Variants in NUP210L observed in about 807,000 individuals in gnomAD.
NUP210L encodes nucleoporin 210 like, also known as nuclear pore membrane glycoprotein 210-like.
NUP210L carries 74 observed loss-of-function variants against 208.5 expected under a neutral mutation model. That is an observed-to-expected ratio of 0.35 (90% CI 0.29 to 0.43). The LOEUF (loss-of-function observed/expected upper bound fraction) is 0.43. NUP210L is among the 20% of genes least tolerant of loss of function. The pLI is 1.00. For missense variants in NUP210L, 1,843 were observed against 2,289.4 expected, an observed-to-expected ratio of 0.81 and a Z score of 3.98; for synonymous variants, 780 against 816.9, an observed-to-expected ratio of 0.95 and a Z score of 0.77.
intron 27 of NUP210L, among the ~76,000 whole-genome samples, chr1:154,032,973 GAAAAGAAAAGAAAAGA>G (rs1290910359): frequency 1.9e-4 from 25 of 129,122 alleles, no homozygotes; most frequent in Non-Finnish European, 3.6e-4. Context: ...GAAAAGAAAA[GAAAAGAAAAGAAAAGA>G]AAAGAAAGAA....
chr1:154,074,162 A>G (rs1654921388), intron 16 of NUP210L, among the ~76,000 whole-genome samples: 1 of 152,134 alleles, frequency 6.6e-6, no homozygotes, highest in Admixed American at 6.6e-5. Flanking sequence ...TCTCCAGTAT[A>G]AAGGTATGGT....
chr1:154,067,300 A>G (rs1326360487), intron 17 of NUP210L, among the ~76,000 whole-genome samples: 3 of 152,194 alleles, frequency 2.0e-5, no homozygotes, highest in African/African-American at 4.8e-5. Context: ...TACGCAAATC[A>G]ATAAACATAA....
At chr1:154,136,988 T>C (rs754476637) in intron 6 of NUP210L, among the ~76,000 whole-genome samples, 1 of 150,364 alleles carries the variant, frequency 6.7e-6, no homozygotes, top group East Asian at 2.0e-4. Flanking sequence ...TTTCAGTCGA[T>C]GAATTGAGTT....
chr1:154,007,646 C>T (rs1376314535), intron 35 of NUP210L, among the ~76,000 whole-genome samples: 4 of 151,846 alleles, frequency 2.6e-5, no homozygotes, highest in Non-Finnish European at 5.9e-5. Context: ...GATCTCGGCT[C>T]ACTGCAAGCT....
chr1:154,020,913 C>G (rs116384406), intron 32 of NUP210L, among the ~76,000 whole-genome samples: 1 of 151,688 alleles, frequency 6.6e-6, no homozygotes, highest in Non-Finnish European at 1.5e-5. Flanking sequence ...CTGCCTGCCT[C>G]GGCCTCCCAA....
intron 27 of NUP210L, among the ~76,000 whole-genome samples, chr1:154,044,415 AAAAAAG>A (rs1276982407): frequency 4.0e-5 from 6 of 151,722 alleles, no homozygotes. Flanking sequence ...CTCAAAAAAA[AAAAAAG>A]AAAAAGAAAA....
chr1:154,008,058 G>A (rs1049393682), intron 35 of NUP210L, among the ~76,000 whole-genome samples: 3 of 151,600 alleles, frequency 2.0e-5, no homozygotes, highest in Non-Finnish European at 4.4e-5. Flanking sequence ...TTTTAGCAGA[G>A]ATGGGGTTTC....
rs1247136100 is a variant in NUP210L at position 154,071,632 on chromosome 1, T to TG, written c.2362-1168_2362-1167insC. Among the ~76,000 whole-genome samples, 8 of 137,890 alleles carry TG rather than the reference T, an allele frequency of 5.8e-5. No individual in the cohort carries two copies. The Admixed American group carries it at 5.9e-4, about 10-fold the overall frequency. The allele number at this position is 137,890 out of a possible 152,430, so 90.5% of individuals were successfully genotyped here. On this transcript the variant is annotated intron_variant, in intron 16 of 39. Coordinates refer to ENST00000368559, the Ensembl canonical transcript of NUP210L. ...CAAATACCATCAATTCATTCCTTTT[T>TG]TTTTTTTTTTTTTTTTTTTTTGAGA... is the stretch of plus-strand genomic sequence containing the variant.
At chr1:154,125,322 T>C (rs534846883) in intron 10 of NUP210L, among the ~76,000 whole-genome samples, 1 of 151,758 alleles carries the variant, frequency 6.6e-6, no homozygotes, top group East Asian at 2.0e-4. Flanking sequence ...TGGTGGTGGA[T>C]GCCTATAACC....
At chr1:154,100,582 A>G (rs979824942) in intron 13 of NUP210L, among the ~76,000 whole-genome samples, 2 of 142,732 alleles carry the variant, frequency 1.4e-5, no homozygotes, top group Non-Finnish European at 3.0e-5. Flanking sequence ...GCAATGGTGC[A>G]ATCTTGGCTC....
intron 6 of NUP210L, among the ~76,000 whole-genome samples, chr1:154,137,455 G>A (rs1382786026): frequency 6.6e-6 from 1 of 151,934 alleles, no homozygotes; most frequent in African/African-American, 2.4e-5. Context: ...GGGAGGCTGA[G>A]GCAGGAGAAC....
At chr1:154,126,227 A>G (rs976274784) in intron 10 of NUP210L, 96 bp downstream of exon 10, 10 of 996,226 alleles carry the variant, frequency 1.0e-5, no homozygotes, top group Non-Finnish European at 1.5e-5. Flanking sequence ...CTGAAAGATA[A>G]AGGTGGTATA....
intron 7 of NUP210L, among the ~76,000 whole-genome samples, chr1:154,133,896 T>C (rs1020297231): frequency 2.6e-5 from 4 of 151,718 alleles, no homozygotes; most frequent in African/African-American, 9.7e-5. Flanking sequence ...ATGCCTGTAA[T>C]CCCAGCACTG....
At chr1:154,138,220 T>C (rs1032239934) in exon 6 of NUP210L, 1 of 1,537,494 alleles carries the variant, frequency 6.5e-7, no homozygotes, top group Non-Finnish European at 8.7e-7. Flanking sequence ...AGCAGACGTA[T>C]TAAGGCTGCT....
At position 154,129,449 on chromosome 1, in the gene NUP210L, A is replaced by T. The variant is rs1202127332; in HGVS notation, c.1010-104T>A. 3 of 756,156 alleles carry T rather than the reference A, an allele frequency of 4.0e-6. No individual in the cohort carries two copies. In the East Asian group the frequency reaches 7.5e-5, roughly 19 times the overall value. 46.8% of individuals were successfully genotyped at this position (756,156 alleles called of 1,614,324 possible). A position where few individuals can be genotyped will look rare whatever the true frequency, so the allele number is the denominator to read the frequency against. The stretch of plus-strand genomic sequence containing the variant: ...CAAACAAATGCACAAATGAAAACAA[A>T]CAAAAATCCTATCTTTTATTATCCT... On this transcript the variant is annotated intron_variant, in intron 7 of 39. Transcript: ENST00000368559.
exon 37 of NUP210L, chr1:154,000,975 A>G (rs1432675092): frequency 6.8e-6 from 11 of 1,614,070 alleles, no homozygotes; most frequent in East Asian, 2.2e-5. Context: ...GAAGTTGACC[A>G]CTCTTACAGA....
At chr1:154,149,099 T>TTTTTTTTTTTTTTTC (rs397789894) in intron 2 of NUP210L, among the ~76,000 whole-genome samples, 1 of 150,472 alleles carries the variant, frequency 6.6e-6, no homozygotes, top group Admixed American at 6.7e-5. Flanking sequence ...TTTTTTTTTT[T>TTTTTTTTTTTTTTTC]CCTGAGAAGG....
chr1:154,061,774 G>A (rs1312420014), intron 17 of NUP210L, 100 bp from the exon 18 acceptor site: 4 of 752,350 alleles, frequency 5.3e-6, no homozygotes, highest in Non-Finnish European at 9.2e-6. Flanking sequence ...TCCAAATGGT[G>A]CTTTATTGCA....
At position 154,055,122 on chromosome 1, in the gene NUP210L, CT is replaced by C. The variant is rs770564459; in HGVS notation, c.3241-291del. Among the ~76,000 whole-genome samples the C allele has an allele frequency of 4.6e-4, 54 of 118,602 alleles. No individual in the cohort carries two copies. In the South Asian group the frequency reaches 9.4e-3, roughly 21 times the overall value. The allele number at this position is 118,602 out of a possible 152,430, so 77.8% of individuals were successfully genotyped here. On this transcript the variant is annotated intron_variant, in intron 23 of 39. Transcript: ENST00000368559. ...CTCTTTCTTTTCTTTCTCTTTCTTT[CT>C]TTTCTTTCTTTCTTTCTTTCTTTCT...
Sources: allele counts gnomAD v4.1 joint callset (sites outside exome capture counted in the v4.1 genomes callset), GRCh38; gene constraint gnomAD v4.1.1; transcripts MANE v1.5; gene names NCBI Gene and HGNC (gene_info 2026-07-23, HGNC 2026-07-21).